The following ZZEF1 variants were observed in gnomAD, a reference collection of about 807,000 sequenced individuals.
The protein encoded by ZZEF1 is zinc finger ZZ-type and EF-hand domain containing 1.
In ZZEF1, 157 loss-of-function variants were observed where a neutral mutation model predicts 342.8. The ratio of observed to expected loss-of-function variants is 0.46; its 90% CI spans 0.40 to 0.52. ZZEF1 has a LOEUF of 0.52. Among genes scored for constraint, ZZEF1 ranks in the 20% least tolerant of loss-of-function variants. The pLI is 0.00. For missense variants in ZZEF1, 3,480 were observed against 3,725.6 expected (o/e 0.93, Z 1.72); for synonymous variants, 1,505 against 1,429.1 (o/e 1.05, Z -1.20).
chr17:4,101,784 C>T (rs910834192), intron 9 of ZZEF1, among the ~76,000 whole-genome samples: 1 of 152,094 alleles, frequency 6.6e-6, no homozygotes, highest in Non-Finnish European at 1.5e-5. Context: ...CCTGCCACCA[C>T]AACAGCTAAT....
At chr17:4,098,040 C>T (rs181956022) in intron 9 of ZZEF1, among the ~76,000 whole-genome samples, 24 of 151,448 alleles carry the variant, frequency 1.6e-4, no homozygotes, top group Middle Eastern at 6.8e-3. Flanking sequence ...GAGTTCGAGA[C>T]GAGCCTGGCC....
At chr17:4,043,524 G>A (rs138197350) in intron 38 of ZZEF1, among the ~76,000 whole-genome samples, 1 of 152,276 alleles carries the variant, frequency 6.6e-6, no homozygotes, top group East Asian at 1.9e-4. Flanking sequence ...GAGGAGGCTG[G>A]GACTTGCCTC....
intron 1 of ZZEF1, among the ~76,000 whole-genome samples, chr17:4,138,654 CTA>C (rs1290725454): frequency 6.6e-6 from 1 of 152,138 alleles, no homozygotes; most frequent in Non-Finnish European, 1.5e-5. Flanking sequence ...GGCACCAAAA[CTA>C]TGTGGCAAAT....
chr17:4,068,217 TA>T (rs1175261842), intron 26 of ZZEF1, among the ~76,000 whole-genome samples: 1 of 152,244 alleles, frequency 6.6e-6, no homozygotes, highest in Non-Finnish European at 1.5e-5. Context: ...CTGTAGCTGA[TA>T]ATTATTTTAA....
chr17:4,072,593 CG>C lies in ZZEF1; in HGVS notation c.3834+14del, dbSNP rs778167202. On this transcript the variant is annotated intron_variant, in intron 25 of 54. Coordinates refer to ENST00000381638, the MANE Select transcript of ZZEF1 (RefSeq NM_015113.4). ...GTTTCCAGTCTAAATAGAAAGAAAA[CG>C]GAAGAGTAAATACCTCCTTACTATT... The C allele has an allele frequency of 8.7e-5, 138 of 1,588,128 alleles. No individual in the cohort carries two copies. Among genetic ancestry groups the C allele is most frequent in the Non-Finnish European group, 1.1e-4 (131 of 1,166,540 alleles).
chr17:4,106,478 G>A (rs2058214645), intron 6 of ZZEF1, among the ~76,000 whole-genome samples: 1 of 105,694 alleles, frequency 9.5e-6, no homozygotes, highest in South Asian at 3.9e-4. Flanking sequence ...AGCAGCAACA[G>A]GGAAAAAAAA....
chr17:4,096,066 T>C, intron 10 of ZZEF1, 87 bp from the exon 11 acceptor site: 1 of 1,416,522 alleles, frequency 7.1e-7, no homozygotes, highest in East Asian at 2.4e-5. Flanking sequence ...TTCAAACAGG[T>C]TAAAACAAAA....
In ZZEF1 at chr17:4,128,768, A is replaced by ATT. The variant is rs71144169; in HGVS notation, c.355-4719_355-4718dup. 3.1e-4 allele frequency among the ~76,000 whole-genome samples: 30 copies of ATT among 98,238 alleles called. 1 individual carries two copies. The highest frequency in any genetic ancestry group is 1.1e-3 in the African/African-American group (30 of 26,726). The allele number at this position is 98,238 out of a possible 152,430, so 64.4% of individuals were successfully genotyped here. A position where few individuals can be genotyped will look rare whatever the true frequency, so the allele number is the denominator to read the frequency against. On this transcript the variant is annotated intron_variant, in intron 1 of 54. Coordinates refer to ENST00000381638, the MANE Select transcript of ZZEF1 (RefSeq NM_015113.4). Reference sequence around the variant, plus strand: ...TGAGCTACTGCGCCTGGCCAAAATCATTTTTTTTTTTTTTTTTTTTTGAGA... The same window carrying ATT: ...TGAGCTACTGCGCCTGGCCAAAATCATTTTTTTTTTTTTTTTTTTTTTTGAGA...
intron 30 of ZZEF1, among the ~76,000 whole-genome samples, chr17:4,062,117 T>C (rs2040069570): frequency 6.6e-6 from 1 of 152,082 alleles, no homozygotes; most frequent in African/African-American, 2.4e-5. Flanking sequence ...ACTCCCCCCC[T>C]GGAGCCTCTG....
rs2058897419 is a variant in ZZEF1 at position 4,143,020 on chromosome 17, T to C, written c.-125A>G. ...GGAGACGACGGCGGCCCCTGCGGCT[T>C]CCGGCTTCCTGGCCGTCAAGCGACG... On this transcript the variant is annotated 5_prime_UTR_variant, in exon 1 of 55. Transcript: ENST00000381638. The C allele has an allele frequency of 1.6e-6, 2 of 1,271,100 alleles. No individual in the cohort carries two copies. The highest frequency in any genetic ancestry group is 2.0e-6 in the Non-Finnish European group (2 of 1,013,320). 78.7% of individuals were successfully genotyped at this position (1,271,100 alleles called of 1,614,324 possible). A position where few individuals can be genotyped will look rare whatever the true frequency, so the allele number is the denominator to read the frequency against.
intron 37 of ZZEF1, among the ~76,000 whole-genome samples, chr17:4,046,290 C>T (rs965374659): frequency 1.1e-4 from 16 of 152,324 alleles, no homozygotes; most frequent in African/African-American, 3.6e-4. Context: ...CAGCTGTCAG[C>T]TGCATTTCCT....
intron 1 of ZZEF1, among the ~76,000 whole-genome samples, chr17:4,134,946 G>A (rs1344604486): frequency 6.6e-6 from 1 of 152,170 alleles, no homozygotes; most frequent in Non-Finnish European, 1.5e-5. Flanking sequence ...CATAAAGACT[G>A]TATGGCAGAT....
Position 4,070,861 on chromosome 17 carries a change from C to G in ZZEF1, c.3898G>C (p.Ala1300Pro). ...FLLDFAQSEP[A>P]QNFCGPYSEL... The stretch of plus-strand genomic sequence containing the variant: ...GAATATGGCCCACAGAAGTTCTGAG[C>G]AGGCTCTGACTGGGCAAAATCAAGA... Residue 1300 changes from alanine (A) to proline (P), a missense_variant, in exon 26 of 55, where the codon GCT becomes CCT. Coordinates refer to ENST00000381638, the MANE Select transcript of ZZEF1 (RefSeq NM_015113.4). 6.2e-7 allele frequency: 1 copy of G among 1,614,126 alleles called. No homozygotes were observed.
chr17:4,032,713 G>A, intron 41 of ZZEF1, 115 bp downstream of exon 41: 1 of 1,124,820 alleles, frequency 8.9e-7, no homozygotes, highest in Non-Finnish European at 1.3e-6. Flanking sequence ...TACAGGCAAA[G>A]GAAAAAGCTT....
In ZZEF1 at chr17:4,102,330, C is replaced by A. The variant is rs150594706; in HGVS notation, c.1659G>T (p.Pro553=). The stretch of plus-strand genomic sequence containing the variant: ...CCCACCACTCACCATCCCTTGTCCA[C>A]GGTTCAACAAGGAGGTTTTCGGGTC... The part of the protein sequence containing the change: ...KSGPENLLVE[P]WTRDGFLTET... Residue 553 remains proline, a synonymous_variant, in exon 9 of 55, where the codon CCG becomes CCT. Transcript: ENST00000381638. 2 of 1,613,418 alleles carry A rather than the reference C, an allele frequency of 1.2e-6. No homozygotes were observed. The highest frequency in any genetic ancestry group is 1.7e-5 in the Admixed American group (1 of 59,998).
intron 45 of ZZEF1, 57 bp from the exon 46 acceptor site, chr17:4,019,826 T>G: frequency 8.3e-6 from 11 of 1,327,304 alleles, no homozygotes; most frequent in Non-Finnish European, 1.0e-5. Context: ...AATACGGTAT[T>G]GATCAACTGA....
chr17:4,021,170 G>A lies in ZZEF1; in HGVS notation c.7363C>T (p.Pro2455Ser). The part of the protein sequence containing the change: ...PGDPEQKKLD[P>S]LEGLDEPTRI... ...GTGGGCTCATCCAGGCCCTCAAGGG[G>A]GTCCAGCTTTTTCTGCTCTGGGTCG... is the stretch of plus-strand genomic sequence containing the variant. Residue 2455 changes from proline to serine, a missense_variant, in exon 45 of 55, where the codon CCC (proline) becomes TCC (serine). Transcript: ENST00000381638. 6.2e-7 allele frequency: 1 copy of A among 1,613,960 alleles called. No homozygotes were observed. Among genetic ancestry groups the A allele is most frequent in the Non-Finnish European group, 8.5e-7 (1 of 1,179,934 alleles).
intron 9 of ZZEF1, among the ~76,000 whole-genome samples, chr17:4,099,705 C>G (rs2058094891): frequency 1.3e-5 from 2 of 152,096 alleles, no homozygotes; most frequent in African/African-American, 4.8e-5. Flanking sequence ...GCCACCATGC[C>G]TGGCTAATTT....
At position 4,086,343 on chromosome 17, in the gene ZZEF1, GCGGCAATCCCTTTCTGGGGGATTCCCA is replaced by G. The variant is rs60635470; in HGVS notation, c.2512+116_2512+142del. On this transcript the variant is annotated intron_variant, in intron 15 of 54. Coordinates refer to ENST00000381638, the MANE Select transcript of ZZEF1 (RefSeq NM_015113.4). ...AATCCCTTTCTGGGGGATTCCCACAGCGGCAATCCCTTTCTGGGGGATTCCCACAGCGGCAATCCCTTTCTGGCTCGC... is the reference window on the plus strand; with the variant it reads ...AATCCCTTTCTGGGGGATTCCCACAGCAGCGGCAATCCCTTTCTGGCTCGC... 36 of 57,876 alleles carry G rather than the reference GCGGCAATCCCTTTCTGGGGGATTCCCA, an allele frequency of 6.2e-4. 2 individuals are homozygous for G. In the South Asian group the frequency reaches 6.4e-3, roughly 10 times the overall value. The allele number at this position is 57,876 out of a possible 1,614,324, so 3.6% of individuals were successfully genotyped here. A position where few individuals can be genotyped will look rare whatever the true frequency, so the allele number is the denominator to read the frequency against.
Sources: gnomAD v4.1 joint callset for allele counts (sites outside exome capture counted in the v4.1 genomes callset) on GRCh38, gnomAD v4.1.1 for gene constraint, MANE v1.5 for transcripts, NCBI Gene and HGNC (gene_info 2026-07-23, HGNC 2026-07-21) for gene names.